LRCH2: variants seen among roughly 807,000 people sequenced by gnomAD.
LRCH2 encodes leucine rich repeats and calponin homology domain containing 2, also known as leucine-rich repeat and calponin homology domain-containing protein 2.
In LRCH2, 38 loss-of-function variants were observed where a neutral mutation model predicts 68.9. The observed-to-expected ratio is 0.55, with a 90% CI of 0.43 to 0.72. The LOEUF (loss-of-function observed/expected upper bound fraction) is 0.72, where lower values mean the gene tolerates loss of function less well. Ranked by LOEUF, LRCH2 falls within the 30% of genes least tolerant of loss-of-function variation. The pLI, the probability that LRCH2 is intolerant of heterozygous loss-of-function variation, is 0.00. For missense variants in LRCH2, 528 were observed against 572.9 expected (o/e 0.92, Z 0.80); for synonymous variants, 191 against 208.1 (o/e 0.92, Z 0.71).
chrX:115,165,983 G>C (rs2072556486), intron 7 of LRCH2, 31 bp from the exon 8 acceptor site: 1 of 1,009,294 alleles, frequency 9.9e-7, no homozygotes, highest in African/African-American at 1.9e-5. Flanking sequence ...GTACAAATGA[G>C]GCATTTTAAA....
At chrX:115,217,715 A>G (rs1569517683) in intron 1 of LRCH2, among the ~76,000 whole-genome samples, 1 of 111,948 alleles carries the variant, frequency 8.9e-6, no homozygotes, top group African/African-American at 3.3e-5. Context: ...TTATAGTAGA[A>G]TGATTTATAA....
At chrX:115,143,703 C>T (rs1169812059) in intron 14 of LRCH2, among the ~76,000 whole-genome samples, 3 of 111,149 alleles carry the variant, frequency 2.7e-5, no homozygotes, top group Non-Finnish European at 3.8e-5. Flanking sequence ...GCCAAAATCT[C>T]GGATAAATAT....
intron 6 of LRCH2, among the ~76,000 whole-genome samples, chrX:115,169,405 T>C (rs1556546611): frequency 1.8e-5 from 2 of 111,918 alleles, no homozygotes; most frequent in East Asian, 5.6e-4. Context: ...ATGCCTTAAT[T>C]CCAATTTTTG....
At chrX:115,200,812 C>A (rs2072925537) in intron 1 of LRCH2, among the ~76,000 whole-genome samples, 1 of 110,902 alleles carries the variant, frequency 9.0e-6, no homozygotes, top group Non-Finnish European at 1.9e-5. Context: ...AGGCCACTAT[C>A]ACCCTAATAC....
Position 115,233,906 on chromosome X carries a change from G to A in LRCH2, c.136C>T (p.Leu46=), listed in dbSNP as rs1556579330. 1 of 1,164,251 alleles carries A rather than the reference G, an allele frequency of 8.6e-7. No homozygotes were observed. Among genetic ancestry groups the A allele is most frequent in the Admixed American group, 2.6e-5 (1 of 38,540 alleles). The part of the protein sequence containing the change: ...GGGGGGGGGT[L]VVPIPVPTLF... ...GTCGGTACCGGGATGGGGACCACCAGGGTCCCGCCGCCGCCGCCGCCTCCC... is the reference window on the plus strand; with the variant it reads ...GTCGGTACCGGGATGGGGACCACCAAGGTCCCGCCGCCGCCGCCGCCTCCC... The change falls in exon 1 of 21, where the codon CTG becomes TTG. Residue 46 remains leucine, a synonymous_variant. Transcript: ENST00000317135.
At chrX:115,206,827 T>C (rs1427926010) in intron 1 of LRCH2, among the ~76,000 whole-genome samples, 1 of 108,218 alleles carries the variant, frequency 9.2e-6, no homozygotes, top group Non-Finnish European at 1.9e-5. Flanking sequence ...GTGTTTCAGA[T>C]TTAAAATCAG....
At chrX:115,219,599 C>T (rs2073065125) in intron 1 of LRCH2, among the ~76,000 whole-genome samples, 1 of 111,392 alleles carries the variant, frequency 9.0e-6, no homozygotes, top group Non-Finnish European at 1.9e-5. Context: ...ACAAGAGAAA[C>T]CCAAACTGGA....
chrX:115,190,498 T>G (rs1556557316), intron 1 of LRCH2: 1 of 1,167,251 alleles, frequency 8.6e-7, no homozygotes, highest in Admixed American at 2.6e-5. Flanking sequence ...GCCAGTCGTC[T>G]TGCCAGACGC....
chrX:115,192,559 T>TA, intron 1 of LRCH2: 1 of 1,169,763 alleles, frequency 8.5e-7, no homozygotes. Context: ...GCATGATTCT[T>TA]ACAGCCGGTC....
chrX:115,119,639 T>A (rs782334092), intron 20 of LRCH2, among the ~76,000 whole-genome samples: 948 of 72,532 alleles, frequency 0.013, 12 homozygotes, highest in Middle Eastern at 0.035. Context: ...AAGCTACCAA[T>A]GACTTTCTTC....
In LRCH2 at chrX:115,163,665, G is replaced by A. The variant is rs782127957; in HGVS notation, c.1463+11C>T. The A allele has an allele frequency of 7.0e-6, 8 of 1,138,446 alleles. No individual in the cohort carries two copies. In the Admixed American group the frequency reaches 2.0e-4, roughly 28 times the overall value. The allele number at this position is 1,138,446 out of a possible 1,213,427, so 93.8% of individuals were successfully genotyped here. ...ATTTGCCAATTCAAATCTCATTACT[G>A]AAAGGAATACCTGTTCTTCTGTTCT... On this transcript the variant is annotated intron_variant, in intron 11 of 20. Transcript: ENST00000317135.
At position 115,112,684 on chromosome X, in the gene LRCH2, C is replaced by T. The variant is rs782058605; in HGVS notation, c.*532G>A. 1 of 111,824 alleles carries T rather than the reference C, an allele frequency of 8.9e-6. No homozygotes were observed. The highest frequency in any genetic ancestry group is 1.9e-5 in the Non-Finnish European group (1 of 52,892). The allele number at this position is 111,824 out of a possible 1,213,427, so 9.2% of individuals were successfully genotyped here. ...ACAACTGAAAATATTTTGGCACCAACCTATAATACTAAAAGAATTTAATAT... is the reference window on the plus strand; with the variant it reads ...ACAACTGAAAATATTTTGGCACCAATCTATAATACTAAAAGAATTTAATAT... On this transcript the variant is annotated 3_prime_UTR_variant, in exon 21 of 21. Coordinates refer to ENST00000317135, the MANE Select transcript of LRCH2 (RefSeq NM_020871.4).
At chrX:115,144,692 C>T (rs2072367803) in intron 14 of LRCH2, among the ~76,000 whole-genome samples, 1 of 111,457 alleles carries the variant, frequency 9.0e-6, no homozygotes, top group Non-Finnish European at 1.9e-5. Context: ...AAAATAATCC[C>T]ATTTACAATA....
At chrX:115,158,131 T>C (rs2072490181) in intron 11 of LRCH2, among the ~76,000 whole-genome samples, 1 of 111,819 alleles carries the variant, frequency 8.9e-6, no homozygotes, top group South Asian at 3.7e-4. Flanking sequence ...TAAAAGACTA[T>C]ACAATTCAGC....
intron 1 of LRCH2, among the ~76,000 whole-genome samples, chrX:115,211,223 C>T (rs1254011075): frequency 7.2e-5 from 8 of 111,497 alleles, no homozygotes; most frequent in African/African-American, 2.6e-4. Flanking sequence ...CTTGAATTCC[C>T]ATGTGTTGTG....
At chrX:115,197,703 G>C (rs1378629033) in intron 1 of LRCH2, among the ~76,000 whole-genome samples, 1 of 108,492 alleles carries the variant, frequency 9.2e-6, no homozygotes, top group African/African-American at 3.4e-5. Flanking sequence ...ACTGAGCTAT[G>C]ATCACACCAC....
At chrX:115,133,459 G>C (rs1408793846) in intron 14 of LRCH2, among the ~76,000 whole-genome samples, 1 of 111,782 alleles carries the variant, frequency 8.9e-6, no homozygotes, top group African/African-American at 3.3e-5. Flanking sequence ...TATTTATCGG[G>C]ATACACAATT....
chrX:115,233,638 C>T (rs1239595296), intron 1 of LRCH2, 55 bp downstream of exon 1: 2 of 1,066,549 alleles, frequency 1.9e-6, no homozygotes, highest in African/African-American at 1.9e-5. Context: ...ACGCAGCCAC[C>T]CACTCCCCGC....
In LRCH2 at chrX:115,233,952, C is replaced by T. The variant is rs2073171556; in HGVS notation, c.90G>A (p.Gly30=). 5 of 1,164,332 alleles carry T rather than the reference C, an allele frequency of 4.3e-6. No individual in the cohort carries two copies. The highest frequency in any genetic ancestry group is 1.9e-5 in the South Asian group (1 of 52,435). The change falls in exon 1 of 21, where the codon GGG becomes GGA. Residue 30 remains glycine (G), a synonymous_variant. Coordinates refer to ENST00000317135, the MANE Select transcript of LRCH2 (RefSeq NM_020871.4). ...CTCCCCCTCCAGCCCCGCCACCTCCCCCTCCAGCCGTGCCACAGCCACCGC... is the reference window on the plus strand; with the variant it reads ...CTCCCCCTCCAGCCCCGCCACCTCCTCCTCCAGCCGTGCCACAGCCACCGC... ...GSSGGCGTAG[G]GGGGAGGGGG...
Sources: gnomAD v4.1 joint callset for allele counts (sites outside exome capture counted in the v4.1 genomes callset) on GRCh38, gnomAD v4.1.1 for gene constraint, MANE v1.5 for transcripts, NCBI Gene and HGNC (gene_info 2026-07-23, HGNC 2026-07-21) for gene names.